The following DLG2 variants were observed in gnomAD, a reference collection of about 807,000 sequenced individuals.
DLG2 encodes the protein disks large homolog 2.
A neutral mutation model predicts 132.5 loss-of-function variants in DLG2; 45 were observed. That is an observed-to-expected ratio of 0.34 (90% confidence interval 0.27 to 0.44). The LOEUF is 0.44. Among genes scored for constraint, DLG2 ranks in the 20% least tolerant of loss-of-function variants. DLG2 has a pLI of 1.00. For synonymous variants in DLG2, 424 were observed against 419.6 expected, an observed-to-expected ratio of 1.01 and a Z score of -0.13; for missense variants, 1,045 against 1,196.9, an observed-to-expected ratio of 0.87 and a Z score of 1.87.
At chr11:83,806,878 G>C (rs2046037830) in intron 17 of DLG2, among the ~76,000 whole-genome samples, 1 of 152,132 alleles carries the variant, frequency 6.6e-6, no homozygotes, top group Admixed American at 6.6e-5. Context: ...GAAAGTATAA[G>C]CGAGGAGAAT....
Position 85,342,718 on chromosome 11 carries a change from G to A in DLG2, c.41-57353C>T, listed in dbSNP as rs116659103. ...CGGTAGGTTTGTTTATACCAGCATC[G>A]CCACAAACGCATGAGTAATGCATTG... On this transcript the variant is annotated intron_variant, in intron 3 of 27. Coordinates refer to ENST00000376104, the MANE Select transcript of DLG2 (RefSeq NM_001142699.3). 9.1e-3 allele frequency among the ~76,000 whole-genome samples: 1,383 copies of A among 152,090 alleles called. 20 individuals are homozygous for A. Among genetic ancestry groups the A allele is most frequent in the African/African-American group, 0.031 (1,302 of 41,480 alleles).
chr11:84,318,494 T>G (rs2098382161), intron 7 of DLG2, among the ~76,000 whole-genome samples: 2 of 152,304 alleles, frequency 1.3e-5, no homozygotes, highest in South Asian at 4.1e-4. Flanking sequence ...ACCTTCTCAG[T>G]GGATTGACCA....
chr11:83,900,756 G>C (rs938638245), intron 15 of DLG2, among the ~76,000 whole-genome samples: 1 of 152,224 alleles, frequency 6.6e-6, no homozygotes, highest in African/African-American at 2.4e-5. Context: ...TGGAAGGGAA[G>C]TGTGGGGTAG....
intron 6 of DLG2, among the ~76,000 whole-genome samples, chr11:84,878,989 A>G (rs1168375449): frequency 6.6e-6 from 1 of 152,192 alleles, no homozygotes; most frequent in Non-Finnish European, 1.5e-5. Flanking sequence ...CATTTGTAAA[A>G]TATGAAATTG....
chr11:83,766,403 T>C (rs2094148146), intron 18 of DLG2, among the ~76,000 whole-genome samples: 1 of 151,798 alleles, frequency 6.6e-6, no homozygotes, highest in African/African-American at 2.4e-5. Context: ...TGCCTTTTTT[T>C]TTTTTTTTTT....
intron 15 of DLG2, among the ~76,000 whole-genome samples, chr11:83,900,228 A>ATAAGGGAAACTGC (rs1298643241): frequency 6.6e-6 from 1 of 152,200 alleles, no homozygotes; most frequent in African/African-American, 2.4e-5. Context: ...AGCAGAGCAT[A>ATAAGGGAAACTGC]AAAGTTTGGA....
chr11:85,311,503 G>A (rs970103691), intron 3 of DLG2, among the ~76,000 whole-genome samples: 1 of 152,048 alleles, frequency 6.6e-6, no homozygotes, highest in Non-Finnish European at 1.5e-5. Context: ...AAAATCAATA[G>A]AATCATGACA....
chr11:85,026,846 AAAAT>A (rs915832316), intron 6 of DLG2, among the ~76,000 whole-genome samples: 40 of 152,196 alleles, frequency 2.6e-4, no homozygotes, highest in African/African-American at 8.7e-4. Context: ...CAAAAAAATA[AAAAT>A]AAATAAATAA....
chr11:84,229,041 A>C (rs1299686512), intron 8 of DLG2, among the ~76,000 whole-genome samples: 1 of 152,142 alleles, frequency 6.6e-6, no homozygotes, highest in Non-Finnish European at 1.5e-5. Context: ...TATCATATGT[A>C]CTCTATAGAT....
intron 6 of DLG2, among the ~76,000 whole-genome samples, chr11:84,833,551 T>C (rs1457898940): frequency 4.0e-5 from 6 of 151,360 alleles, no homozygotes; most frequent in Non-Finnish European, 5.9e-5. Flanking sequence ...CCTTAGTATG[T>C]AATTTAGCTT....
intron 6 of DLG2, among the ~76,000 whole-genome samples, chr11:84,827,621 A>C (rs2078486387): frequency 7.4e-6 from 1 of 135,074 alleles, no homozygotes; most frequent in Non-Finnish European, 1.6e-5. Context: ...GAACGGTGGA[A>C]GTTGATGGAA....
chr11:85,285,634 T>C (rs1459413324), intron 3 of DLG2, among the ~76,000 whole-genome samples: 1 of 152,006 alleles, frequency 6.6e-6, no homozygotes. Flanking sequence ...TAATAGAATG[T>C]TATTCAGTAA....
chr11:83,587,189 T>A (rs1261401738), intron 19 of DLG2, among the ~76,000 whole-genome samples: 1 of 150,278 alleles, frequency 6.7e-6, no homozygotes, highest in Non-Finnish European at 1.5e-5. Flanking sequence ...TGCTTATAGT[T>A]TTTTTTAAAT....
chr11:84,242,707 A>T (rs911082123), intron 8 of DLG2, among the ~76,000 whole-genome samples: 4 of 152,146 alleles, frequency 2.6e-5, no homozygotes, highest in Non-Finnish European at 5.9e-5. Context: ...CACCTGGCCA[A>T]AATAGGAATT....
chr11:85,505,024 G>T (rs2093895580), intron 3 of DLG2, among the ~76,000 whole-genome samples: 1 of 151,946 alleles, frequency 6.6e-6, no homozygotes, highest in Non-Finnish European at 1.5e-5. Context: ...GTCTGTTATT[G>T]GTGTATTGGT....
At chr11:84,237,389 G>A (rs1476157262) in intron 8 of DLG2, among the ~76,000 whole-genome samples, 7 of 152,108 alleles carry the variant, frequency 4.6e-5, no homozygotes, top group African/African-American at 9.7e-5. Flanking sequence ...ATTATAATGC[G>A]CTATTGTTTA....
chr11:84,188,548 A>T (rs1316944279), intron 8 of DLG2, among the ~76,000 whole-genome samples: 5 of 152,166 alleles, frequency 3.3e-5, no homozygotes, highest in Admixed American at 3.3e-4. Flanking sequence ...ACTCTTTCAG[A>T]ATCTTTGGGA....
At position 85,011,195 on chromosome 11, in the gene DLG2, C is replaced by G. The variant is rs76311927; in HGVS notation, c.357+100466G>C. Among the ~76,000 whole-genome samples, 970 of 152,246 alleles carry G rather than the reference C, an allele frequency of 6.4e-3. 11 individuals are homozygous for G. The highest frequency in any genetic ancestry group is 0.022 in the African/African-American group (927 of 41,558). ...ACTACTTCATTCTGCAATGAATAGACTTGGAAACAAAATGCTTTGCTAGAG... is the reference window on the plus strand; with the variant it reads ...ACTACTTCATTCTGCAATGAATAGAGTTGGAAACAAAATGCTTTGCTAGAG... On this transcript the variant is annotated intron_variant, in intron 6 of 27. Transcript: ENST00000376104.
chr11:84,405,778 G>A (rs891254217), intron 7 of DLG2, among the ~76,000 whole-genome samples: 2 of 152,170 alleles, frequency 1.3e-5, no homozygotes, highest in Non-Finnish European at 2.9e-5. Flanking sequence ...GAACAAGTAC[G>A]CAGGAAGGCC....
Sources: gnomAD v4.1 joint callset for allele counts (sites outside exome capture counted in the v4.1 genomes callset) on GRCh38, gnomAD v4.1.1 for gene constraint, MANE v1.5 for transcripts, NCBI Gene and HGNC (gene_info 2026-07-23, HGNC 2026-07-21) for gene names.